The following NKD1 variants were observed in gnomAD, a reference collection of about 807,000 sequenced individuals.
NKD1 encodes the protein NKD inhibitor of Wnt signaling pathway 1, also known as protein naked cuticle homolog 1.
A neutral mutation model predicts 56.0 loss-of-function variants in NKD1; 21 were observed. The observed-to-expected ratio is 0.38, with a 90% CI of 0.27 to 0.54. The LOEUF (loss-of-function observed/expected upper bound fraction) is 0.54. NKD1 is among the 20% of genes least tolerant of loss of function. The pLI, the probability that NKD1 is intolerant of heterozygous loss-of-function variation, is 0.82. For synonymous variants in NKD1, 263 were observed against 265.7 expected (o/e 0.99, Z 0.10); for missense variants, 578 against 642.7 (o/e 0.90, Z 1.09).
rs1334256707 is a variant in NKD1, at chr16:50,615,914, T to C, written c.260-5688T>C. The C allele has an allele frequency of 7.7e-6, 3 of 391,052 alleles. No individual in the cohort carries two copies. The Admixed American group carries it at 8.1e-5, about 11-fold the overall frequency. The allele number at this position is 391,052 out of a possible 1,614,324, so 24.2% of individuals were successfully genotyped here. A position where few individuals can be genotyped will look rare whatever the true frequency, so the allele number is the denominator to read the frequency against. The stretch of plus-strand genomic sequence containing the variant: ...CCCTCATTCCCTAAGGAGAGCCTGA[T>C]ACAGATACTGCAAGAAACCATTTGG... On this transcript the variant is annotated intron_variant, in intron 4 of 9. Transcript: ENST00000268459.
intron 3 of NKD1, among the ~76,000 whole-genome samples, chr16:50,600,944 G>A (rs570353719): frequency 2.0e-5 from 3 of 152,344 alleles, no homozygotes; most frequent in East Asian, 1.9e-4. Flanking sequence ...GCTGAAGGCC[G>A]GGGATCTACA....
chr16:50,604,725 G>C (rs542884136), intron 3 of NKD1, among the ~76,000 whole-genome samples: 1 of 152,242 alleles, frequency 6.6e-6, no homozygotes, highest in Non-Finnish European at 1.5e-5. Context: ...CTCTGCACAG[G>C]GGCTTCCAGT....
chr16:50,603,821 G>A (rs1328392797), intron 3 of NKD1, among the ~76,000 whole-genome samples: 1 of 152,238 alleles, frequency 6.6e-6, no homozygotes, highest in Non-Finnish European at 1.5e-5. Flanking sequence ...CCCTGTGCCC[G>A]GAGGAGCTGG....
chr16:50,585,987 C>A (rs1343783349), intron 3 of NKD1, among the ~76,000 whole-genome samples: 1 of 152,142 alleles, frequency 6.6e-6, no homozygotes, highest in Non-Finnish European at 1.5e-5. Context: ...AGGCATTGCT[C>A]TAAGGTTTCA....
intron 3 of NKD1, among the ~76,000 whole-genome samples, chr16:50,562,564 C>A (rs1467681648): frequency 1.3e-5 from 2 of 152,158 alleles, no homozygotes; most frequent in Non-Finnish European, 2.9e-5. Flanking sequence ...AAGACAGCAG[C>A]CAGAGGGTGT....
chr16:50,554,440 T>C (rs1960456916), intron 3 of NKD1, among the ~76,000 whole-genome samples: 1 of 152,116 alleles, frequency 6.6e-6, no homozygotes, highest in Non-Finnish European at 1.5e-5. Flanking sequence ...GAAATGAAGA[T>C]AGATTAGGTC....
At chr16:50,606,629 G>A (rs1011434039) in intron 3 of NKD1, 1 of 379,870 alleles carries the variant, frequency 2.6e-6, no homozygotes, top group Admixed American at 3.0e-5. Flanking sequence ...GCGATGTCTG[G>A]AGTCTTTAAA....
chr16:50,624,482 G>A (rs971521218), intron 5 of NKD1, among the ~76,000 whole-genome samples: 3 of 152,224 alleles, frequency 2.0e-5, no homozygotes, highest in Non-Finnish European at 2.9e-5. Flanking sequence ...CATTGATTGA[G>A]CTTTTCCATG....
chr16:50,648,193 ACACT>A lies in NKD1; in HGVS notation c.*14414_*14417del, dbSNP rs1319479176. 1 of 152,886 alleles carries A rather than the reference ACACT, an allele frequency of 6.5e-6. No homozygotes were observed. The highest frequency in any genetic ancestry group is 1.5e-5 in the Non-Finnish European group (1 of 68,242). 9.5% of individuals were successfully genotyped at this position (152,886 alleles called of 1,614,324 possible). On this transcript the variant is annotated 3_prime_UTR_variant, in exon 10 of 10. Transcript: ENST00000268459. The stretch of plus-strand genomic sequence containing the variant: ...AGAAATGCCACACCATGGAAGCCAC[ACACT>A]CTGCTGTCTCCTTCTGTCCTCATTC...
intron 3 of NKD1, among the ~76,000 whole-genome samples, chr16:50,550,564 C>T (rs1255259934): frequency 2.0e-5 from 3 of 151,982 alleles, no homozygotes; most frequent in African/African-American, 7.3e-5. Context: ...ATGAAATAAC[C>T]TCTGGGCCTA....
intron 3 of NKD1, among the ~76,000 whole-genome samples, chr16:50,596,011 G>A (rs938153465): frequency 5.3e-5 from 8 of 152,210 alleles, no homozygotes; most frequent in African/African-American, 9.6e-5. Flanking sequence ...CTGAGCCCCC[G>A]ATGACAGCCT....
intron 6 of NKD1, among the ~76,000 whole-genome samples, chr16:50,626,901 A>G (rs1040220190): frequency 2.0e-5 from 3 of 152,150 alleles, no homozygotes; most frequent in African/African-American, 7.2e-5. Context: ...GTTCCCAGAG[A>G]GACACTAAAG....
rs769457863 is a variant in NKD1, at chr16:50,630,285, G to T, written c.562G>T (p.Ala188Ser). ...GATGCTGCGGGTAAAGCTCACCGTG[G>T]CCCCCGATGGCAGCCAGAGCAAGAG... ...SKMLRVKLTVAPDGSQSKRSV... is the reference protein window; with the variant it reads ...SKMLRVKLTVSPDGSQSKRSV... Residue 188 changes from alanine (A) to serine (S), a missense_variant, in exon 7 of 10, where the codon GCC (alanine) becomes TCC (serine). By Grantham distance (99) the Ala-to-Ser change is moderately conservative (BLOSUM62 1). Coordinates refer to ENST00000268459, the MANE Select transcript of NKD1 (RefSeq NM_033119.5). The T allele has an allele frequency of 6.2e-7, 1 of 1,614,140 alleles. No individual in the cohort carries two copies. Among genetic ancestry groups the T allele is most frequent in the East Asian group, 2.2e-5 (1 of 44,880 alleles).
chr16:50,608,438 T>A (rs1484143715), intron 4 of NKD1, 78 bp downstream of exon 4: 2 of 1,041,548 alleles, frequency 1.9e-6, no homozygotes, highest in Admixed American at 1.7e-5. Flanking sequence ...GTGCCCTGTG[T>A]ACTCCAGAAA....
chr16:50,585,620 CCAGGCAGGG>C (rs755701043), intron 3 of NKD1, among the ~76,000 whole-genome samples: 30 of 152,154 alleles, frequency 2.0e-4, no homozygotes, highest in Non-Finnish European at 3.2e-4. Context: ...AAGCGTTTAC[CCAGGCAGGG>C]CCTTCCCCAC....
chr16:50,606,233 A>AT (rs1360649635), intron 3 of NKD1: 1 of 152,882 alleles, frequency 6.5e-6, no homozygotes, highest in Non-Finnish European at 1.5e-5. Context: ...AATTTTTTGT[A>AT]TTTTTAGCAG....
At chr16:50,592,729 G>C (rs1055234055) in intron 3 of NKD1, among the ~76,000 whole-genome samples, 11 of 151,818 alleles carry the variant, frequency 7.2e-5, no homozygotes, top group African/African-American at 2.4e-4. Flanking sequence ...TTAGGAGGCA[G>C]CGAGAAGCAG....
chr16:50,596,425 A>G (rs1395271051), intron 3 of NKD1, among the ~76,000 whole-genome samples: 1 of 152,078 alleles, frequency 6.6e-6, no homozygotes, highest in Non-Finnish European at 1.5e-5. Flanking sequence ...TGTAGAAGTA[A>G]TCATGTGTGT....
At chr16:50,584,148 C>T (rs1056763752) in intron 3 of NKD1, among the ~76,000 whole-genome samples, 7 of 152,172 alleles carry the variant, frequency 4.6e-5, no homozygotes, top group Admixed American at 1.3e-4. Flanking sequence ...AGACAGTTGG[C>T]CACAGCTTCC....
Sources: gnomAD v4.1 joint callset for allele counts (sites outside exome capture counted in the v4.1 genomes callset) on GRCh38, gnomAD v4.1.1 for gene constraint, MANE v1.5 for transcripts, NCBI Gene and HGNC (gene_info 2026-07-23, HGNC 2026-07-21) for gene names.